The following HPSE2 variants were observed in gnomAD, a reference collection of about 807,000 sequenced individuals.
HPSE2 encodes the protein inactive heparanase-2.
A neutral mutation model predicts 60.5 loss-of-function variants in HPSE2; 38 were observed. The ratio of observed to expected loss-of-function variants is 0.63; its 90% CI spans 0.48 to 0.82. The LOEUF is 0.82. Among genes scored for constraint, HPSE2 ranks in the 40% least tolerant of loss-of-function variants. HPSE2 has a pLI of 0.00. For synonymous variants in HPSE2, 295 were observed against 293.2 expected (o/e 1.01, Z -0.06); for missense variants, 713 against 740.4 (o/e 0.96, Z 0.43).
intron 3 of HPSE2, among the ~76,000 whole-genome samples, chr10:99,009,239 A>C (rs1463132644): frequency 2.2e-5 from 1 of 45,456 alleles, no homozygotes; most frequent in Non-Finnish European, 4.5e-5. Context: ...CCCAGTGTCT[A>C]CAAAAAAAAA....
chr10:98,837,954 T>C (rs1951829678), intron 3 of HPSE2, among the ~76,000 whole-genome samples: 1 of 151,804 alleles, frequency 6.6e-6, no homozygotes, highest in African/African-American at 2.4e-5. Flanking sequence ...AAAATACTAA[T>C]GTAAGAGAAA....
chr10:98,663,198 A>G (rs1947270516), intron 6 of HPSE2, among the ~76,000 whole-genome samples: 1 of 152,112 alleles, frequency 6.6e-6, no homozygotes, highest in Non-Finnish European at 1.5e-5. Context: ...TCATTCAACA[A>G]TCACTACCAA....
intron 11 of HPSE2, among the ~76,000 whole-genome samples, chr10:98,474,940 A>G (rs1940936006): frequency 6.6e-6 from 1 of 152,106 alleles, no homozygotes; most frequent in Non-Finnish European, 1.5e-5. Context: ...CCTCCCCAAC[A>G]ACCCCAAAAC....
intron 3 of HPSE2, among the ~76,000 whole-genome samples, chr10:98,844,103 C>CAAGT (rs1156828536): frequency 6.6e-6 from 1 of 152,062 alleles, no homozygotes; most frequent in Non-Finnish European, 1.5e-5. Flanking sequence ...TGGCCTTGGG[C>CAAGT]AAGTCACTTA....
At chr10:99,185,771 CT>C (rs1397910887) in intron 2 of HPSE2, among the ~76,000 whole-genome samples, 1 of 149,982 alleles carries the variant, frequency 6.7e-6, no homozygotes, top group East Asian at 1.9e-4. Context: ...GAGACTCCAT[CT>C]CAAAAAAAAA....
At chr10:98,683,736 A>G (rs1462101984) in intron 6 of HPSE2, among the ~76,000 whole-genome samples, 1 of 152,096 alleles carries the variant, frequency 6.6e-6, no homozygotes, top group Non-Finnish European at 1.5e-5. Flanking sequence ...GGAATGCACA[A>G]AAAAGGAAAG....
chr10:98,548,085 TA>T (rs1278190690), intron 9 of HPSE2, among the ~76,000 whole-genome samples: 2 of 152,172 alleles, frequency 1.3e-5, no homozygotes, highest in African/African-American at 4.8e-5. Context: ...GATGGTCTCA[TA>T]GGGGGACAAA....
chr10:98,955,372 G>C (rs1323478793), intron 3 of HPSE2, among the ~76,000 whole-genome samples: 3 of 152,044 alleles, frequency 2.0e-5, no homozygotes, highest in African/African-American at 7.3e-5. Flanking sequence ...CAAAATCAGT[G>C]ATCATTAGAG....
intron 3 of HPSE2, among the ~76,000 whole-genome samples, chr10:98,806,052 A>C (rs544737489): frequency 1.7e-4 from 26 of 152,318 alleles, no homozygotes; most frequent in African/African-American, 5.8e-4. Context: ...CTTTCAGTGC[A>C]TGGACTATTG....
chr10:98,547,154 A>C (rs1222737207), intron 9 of HPSE2, among the ~76,000 whole-genome samples: 1 of 112,912 alleles, frequency 8.9e-6, no homozygotes, highest in Non-Finnish European at 1.8e-5. Context: ...GTCAGGAAAC[A>C]ACAGGTGCTG....
At chr10:98,946,310 A>G (rs1474579185) in intron 3 of HPSE2, among the ~76,000 whole-genome samples, 1 of 151,968 alleles carries the variant, frequency 6.6e-6, no homozygotes, top group Non-Finnish European at 1.5e-5. Context: ...CCTCTATTAA[A>G]TAAAAAGTAG....
intron 6 of HPSE2, among the ~76,000 whole-genome samples, chr10:98,682,220 T>C (rs1947804433): frequency 6.6e-6 from 1 of 152,192 alleles, no homozygotes. Context: ...CCCTTCTCTG[T>C]CTCTTGTTTC....
At chr10:99,129,690 G>GT (rs1015684492) in intron 3 of HPSE2, among the ~76,000 whole-genome samples, 31 of 150,864 alleles carry the variant, frequency 2.1e-4, no homozygotes, top group African/African-American at 7.6e-4. Flanking sequence ...GTCTGAAAGA[G>GT]TACAAATAAA....
chr10:98,585,951 CAAA>C (rs35839169), intron 9 of HPSE2, among the ~76,000 whole-genome samples: 14,360 of 116,874 alleles, frequency 0.12, 1,071 homozygotes, highest in African/African-American at 0.28. Flanking sequence ...GACTGTGTCT[CAAA>C]AAAAAAAAAA....
intron 2 of HPSE2, among the ~76,000 whole-genome samples, chr10:99,184,388 G>C (rs1847889947): frequency 6.6e-6 from 1 of 151,858 alleles, no homozygotes; most frequent in African/African-American, 2.4e-5. Flanking sequence ...AGCCAGGCTT[G>C]GTGGTGCATG....
chr10:98,919,179 T>G (rs960717833), intron 3 of HPSE2, among the ~76,000 whole-genome samples: 13 of 152,176 alleles, frequency 8.5e-5, no homozygotes, highest in African/African-American at 3.1e-4. Context: ...AGTAGCAGTG[T>G]GTAAAGTGAA....
rs1169699373 is a variant in HPSE2, at chr10:98,458,618, CAATT to C, written c.*952_*955del. ...AAAATAATGATTTGAGTTAACCAAA[CAATT>C]AAGGGCTTACCCTATAGAGCCCCTA... On this transcript the variant is annotated 3_prime_UTR_variant, in exon 12 of 12. Transcript: ENST00000370552. 6.6e-6 allele frequency: 1 copy of C among 152,172 alleles called. No homozygotes were observed. The highest frequency in any genetic ancestry group is 2.4e-5 in the African/African-American group (1 of 41,434). 9.4% of individuals were successfully genotyped at this position (152,172 alleles called of 1,614,324 possible). A position where few individuals can be genotyped will look rare whatever the true frequency, so the allele number is the denominator to read the frequency against.
At chr10:99,066,444 T>C (rs1011247534) in intron 3 of HPSE2, among the ~76,000 whole-genome samples, 1 of 152,202 alleles carries the variant, frequency 6.6e-6, no homozygotes, top group Non-Finnish European at 1.5e-5. Context: ...TCTGTTCTCA[T>C]GATGCTAATA....
chr10:98,869,060 C>T (rs112591136), intron 3 of HPSE2, among the ~76,000 whole-genome samples: 30 of 151,774 alleles, frequency 2.0e-4, no homozygotes, highest in East Asian at 3.9e-4. Flanking sequence ...TGTATGTGTG[C>T]GCACGCGTGT....
Sources: allele counts gnomAD v4.1 joint callset (sites outside exome capture counted in the v4.1 genomes callset), GRCh38; gene constraint gnomAD v4.1.1; transcripts MANE v1.5; gene names NCBI Gene and HGNC (gene_info 2026-07-23, HGNC 2026-07-21).